METTL15: variants seen among roughly 807,000 people sequenced by gnomAD.
METTL15 encodes the protein methyltransferase 15, mitochondrial 12S rRNA N4-cytidine.
Under a neutral mutation model 38.3 loss-of-function variants are expected in METTL15, and 34 were observed. The observed-to-expected ratio is 0.89, with a 90% confidence interval of 0.68 to 1.18. METTL15 has a LOEUF of 1.18. METTL15 is among the 50% of genes most tolerant of loss of function. The pLI, the probability that METTL15 is intolerant of heterozygous loss-of-function variation, is 0.00. For missense variants in METTL15, 438 were observed against 498.4 expected (o/e 0.88, Z 1.15); for synonymous variants, 162 against 170.9 (o/e 0.95, Z 0.41).
chr11:28,211,347 A>G (rs1852634100), intron 4 of METTL15, 149 bp downstream of exon 4: 1 of 636,606 alleles, frequency 1.6e-6, no homozygotes, highest in African/African-American at 1.9e-5. Flanking sequence ...AATTAATGTA[A>G]GTGATGTTTT....
chr11:28,303,428 A>G (rs1408292837), intron 6 of METTL15, among the ~76,000 whole-genome samples: 1 of 152,190 alleles, frequency 6.6e-6, no homozygotes, highest in Non-Finnish European at 1.5e-5. Context: ...TATACCAGTC[A>G]CTTTTCAGAT....
chr11:28,353,004 AAC>A (rs1850055461), intron 4 of METTL15, among the ~76,000 whole-genome samples: 1 of 152,210 alleles, frequency 6.6e-6, no homozygotes, highest in Non-Finnish European at 1.5e-5. Flanking sequence ...TCAGTAGGGA[AAC>A]AGAGAGGCTT....
chr11:28,115,915 C>A (rs1851925286), intron 3 of METTL15, among the ~76,000 whole-genome samples: 1 of 134,292 alleles, frequency 7.4e-6, no homozygotes, highest in Non-Finnish European at 1.6e-5. Context: ...CATGTATACA[C>A]AGACACACAC....
chr11:28,310,495 T>C (rs1857237848), intron 6 of METTL15, among the ~76,000 whole-genome samples: 1 of 152,170 alleles, frequency 6.6e-6, no homozygotes, highest in South Asian at 2.1e-4. Flanking sequence ...GTGATTCCTA[T>C]ACCTCCTTTT....
chr11:28,203,196 C>T (rs149273448), intron 3 of METTL15, among the ~76,000 whole-genome samples: 157 of 152,066 alleles, frequency 1.0e-3, no homozygotes, highest in African/African-American at 3.6e-3. Flanking sequence ...TTGCTCTAAC[C>T]ACCTATGAGT....
chr11:28,204,148 C>T (rs1852220263), intron 3 of METTL15, among the ~76,000 whole-genome samples: 1 of 151,992 alleles, frequency 6.6e-6, no homozygotes, highest in Admixed American at 6.6e-5. Flanking sequence ...GATGCTGCCA[C>T]ATTAAGTTGG....
chr11:28,428,744 T>C (rs777857385), intron 6 of METTL15, among the ~76,000 whole-genome samples: 6 of 152,196 alleles, frequency 3.9e-5, no homozygotes, highest in Middle Eastern at 3.2e-3. Context: ...CTCGACCTAG[T>C]CCAACATCTC....
At chr11:28,307,900 C>A (rs571134093) in intron 6 of METTL15, among the ~76,000 whole-genome samples, 30 of 152,090 alleles carry the variant, frequency 2.0e-4, no homozygotes, top group Non-Finnish European at 3.7e-4. Flanking sequence ...TTTCATGAAT[C>A]CCATTAATTT....
chr11:28,110,981 G>A (rs1019677506), intron 2 of METTL15, among the ~76,000 whole-genome samples: 3 of 152,192 alleles, frequency 2.0e-5, no homozygotes, highest in Admixed American at 1.3e-4. Context: ...GCCACTAGCA[G>A]ACTGCAGGAG....
chr11:28,229,450 G>T (rs1853602839), intron 4 of METTL15, among the ~76,000 whole-genome samples: 1 of 151,984 alleles, frequency 6.6e-6, no homozygotes, highest in Admixed American at 6.6e-5. Context: ...CCTGTGCAAT[G>T]CTCTGAATAT....
At chr11:28,246,667 G>C (rs941767194) in intron 4 of METTL15, among the ~76,000 whole-genome samples, 1 of 152,062 alleles carries the variant, frequency 6.6e-6, no homozygotes, top group Admixed American at 6.6e-5. Flanking sequence ...ATGACAACAA[G>C]GGAAAACTGT....
At chr11:28,150,256 T>C (rs1015516125) in intron 3 of METTL15, among the ~76,000 whole-genome samples, 2 of 151,968 alleles carry the variant, frequency 1.3e-5, no homozygotes, top group Non-Finnish European at 2.9e-5. Flanking sequence ...TATTGATCTT[T>C]TTTCATTTGG....
intron 6 of METTL15, among the ~76,000 whole-genome samples, chr11:28,321,539 A>T (rs1780573216): frequency 6.6e-6 from 1 of 152,162 alleles, no homozygotes; most frequent in South Asian, 2.1e-4. Flanking sequence ...AGACATATAA[A>T]ATATTAATGG....
intron 4 of METTL15, among the ~76,000 whole-genome samples, chr11:28,279,997 C>G (rs1855993820): frequency 2.0e-5 from 3 of 151,556 alleles, no homozygotes; most frequent in Admixed American, 2.0e-4. Flanking sequence ...GACCTTGGAT[C>G]ATGTTAACTA....
At chr11:28,195,674 A>G (rs949190708) in intron 3 of METTL15, among the ~76,000 whole-genome samples, 1 of 151,890 alleles carries the variant, frequency 6.6e-6, no homozygotes, top group Non-Finnish European at 1.5e-5. Flanking sequence ...GTTTACTCTG[A>G]TGATTTTTTC....
At chr11:28,173,120 T>A (rs1408607349) in intron 3 of METTL15, among the ~76,000 whole-genome samples, 1 of 152,216 alleles carries the variant, frequency 6.6e-6, no homozygotes, top group Non-Finnish European at 1.5e-5. Context: ...ATATAGATTT[T>A]GTTTTTTTGA....
rs138322366 is a variant in METTL15, at chr11:28,327,321, A to G, written c.779-3075A>G. Among the ~76,000 whole-genome samples the G allele has an allele frequency of 2.4e-3, 368 of 152,318 alleles. 3 individuals carry two copies. The highest frequency in any genetic ancestry group is 8.5e-3 in the African/African-American group (355 of 41,580). On this transcript the variant is annotated intron_variant, in intron 6 of 6. Coordinates refer to ENST00000407364, the MANE Select transcript of METTL15 (RefSeq NM_001113528.2). ...AAGCTTCATAGATTAAAGTTCCCCT[A>G]TTATCTTTAAGACCATCTATTCCCA...
chr11:28,502,386 A>G (rs1851591899), intron 6 of METTL15, among the ~76,000 whole-genome samples: 1 of 152,234 alleles, frequency 6.6e-6, no homozygotes, highest in Admixed American at 6.5e-5. Context: ...GGAAGAAGCC[A>G]TAAACAATAT....
At chr11:28,401,015 T>A (rs1850625616) in intron 5 of METTL15, among the ~76,000 whole-genome samples, 1 of 151,946 alleles carries the variant, frequency 6.6e-6, no homozygotes, top group Non-Finnish European at 1.5e-5. Flanking sequence ...TCATTACCAA[T>A]CTCTGTTTTA....
Sources: allele counts gnomAD v4.1 joint callset (sites outside exome capture counted in the v4.1 genomes callset), GRCh38; gene constraint gnomAD v4.1.1; transcripts MANE v1.5; gene names NCBI Gene and HGNC (gene_info 2026-07-23, HGNC 2026-07-21).